The following SHBG variants were observed in gnomAD, a reference collection of about 807,000 sequenced individuals.
SHBG encodes sex hormone-binding globulin.
In SHBG, 37 loss-of-function variants were observed where a neutral mutation model predicts 41.9. The ratio of observed to expected loss-of-function variants is 0.88; its 90% CI spans 0.68 to 1.16. The LOEUF is 1.16. Among genes scored for constraint, SHBG ranks in the 50% most tolerant of loss-of-function variants. The probability of loss-of-function intolerance (pLI) is 0.00; values close to 1 mark genes in which losing one functional copy is unlikely to be tolerated. For synonymous variants in SHBG, 217 were observed against 205.8 expected (o/e 1.05, Z -0.47); for missense variants, 466 against 499.9 (o/e 0.93, Z 0.65).
At chr17:7,623,842 G>A (rs2072142470), upstream of SHBG, among the ~76,000 whole-genome samples, 1 of 151,472 alleles carries the variant, frequency 6.6e-6, no homozygotes, top group Admixed American at 6.6e-5. Flanking sequence ...ACTCACTTCA[G>A]CCTCGACCTC....
intron 1 of SHBG, among the ~76,000 whole-genome samples, chr17:7,622,248 T>C (rs549629298): frequency 6.6e-6 from 1 of 151,548 alleles, no homozygotes; most frequent in South Asian, 2.1e-4. Context: ...CCCACTCCAA[T>C]CAGCCCCAAC....
chr17:7,631,619 C>T lies in SHBG; in HGVS notation c.586C>T (p.Arg196Trp), dbSNP rs775105065. ...LVPALDGCLR[R>W]DSWLDKQAEI... ...TCCTGCCCTGGATGGCTGCCTGCGCCGGGATTCCTGGCTGGACAAACAGGC... is the reference window on the plus strand; with the variant it reads ...TCCTGCCCTGGATGGCTGCCTGCGCTGGGATTCCTGGCTGGACAAACAGGC... Residue 196 changes from arginine to tryptophan, a missense_variant, in exon 5 of 8, where the codon CGG becomes TGG. Physicochemically the swap from Arg to Trp is moderately radical, Grantham distance 101. Coordinates refer to ENST00000380450, the MANE Select transcript of SHBG (RefSeq NM_001040.5). 21 of 1,614,040 alleles carry T rather than the reference C, an allele frequency of 1.3e-5. No homozygotes were observed. In the East Asian group the frequency reaches 2.7e-4, roughly 21 times the overall value.
chr17:7,630,887 C>T lies in SHBG; in HGVS notation c.393+18C>T. ...GGCACCAGGTAAGCTAGCTCTGGTC[C>T]TCAGGGGAGGGATGTCTGGAGCTGG... is the stretch of plus-strand genomic sequence containing the variant. On this transcript the variant is annotated intron_variant, in intron 3 of 7. Coordinates refer to ENST00000380450, the MANE Select transcript of SHBG (RefSeq NM_001040.5). The surrounding 1 kb of genome is among the most constrained non-coding windows in gnomAD (Gnocchi z 4.6). 6.2e-7 allele frequency: 1 copy of T among 1,608,602 alleles called. No homozygotes were observed. The highest frequency in any genetic ancestry group is 8.5e-7 in the Non-Finnish European group (1 of 1,177,316).
upstream of SHBG, among the ~76,000 whole-genome samples, chr17:7,624,270 C>CA (rs555265338): frequency 1.2e-3 from 176 of 151,602 alleles, no homozygotes; most frequent in African/African-American, 4.0e-3. Context: ...TTTTTTGAGA[C>CA]AGAGTCTCCA....
chr17:7,615,647 ACC>A (rs538431556), intron 1 of SHBG, among the ~76,000 whole-genome samples: 60,047 of 99,838 alleles, frequency 0.6, 15,588 homozygotes, highest in Middle Eastern at 0.82. Flanking sequence ...GGTGAAACCC[ACC>A]CCCCCCCCCA....
intron 1 of SHBG, chr17:7,614,574 C>G (rs940604026): frequency 1.2e-5 from 16 of 1,348,152 alleles, no homozygotes; most frequent in Non-Finnish European, 1.6e-5. Flanking sequence ...GCGGCTGCAG[C>G]AGCAGTCTGA....
Position 7,631,245 on chromosome 17 carries a change from G to A in SHBG, c.439G>A (p.Gly147Arg). ...GGACTCTGTGCTGCTGGAGGTGGAT[G>A]GGGAGGAGGTGCTGCGCCTGAGACA... The part of the protein sequence containing the change: ...EGDSVLLEVD[G>R]EEVLRLRQVS... Residue 147 changes from glycine (G) to arginine (R), a missense_variant, in exon 4 of 8, where the codon GGG (glycine) becomes AGG (arginine). Transcript: ENST00000380450. 1.2e-6 allele frequency: 2 copies of A among 1,604,522 alleles called. No homozygotes were observed. Among genetic ancestry groups the A allele is most frequent in the Non-Finnish European group, 1.7e-6 (2 of 1,175,690 alleles).
upstream of SHBG, among the ~76,000 whole-genome samples, chr17:7,628,738 G>A (rs1014614427): frequency 5.9e-5 from 9 of 152,022 alleles, no homozygotes; most frequent in African/African-American, 1.9e-4. Flanking sequence ...GACCCACCAA[G>A]CCCGGTCTGT....
chr17:7,632,793 G>C lies in SHBG; in HGVS notation c.894G>C (p.Leu298=). The part of the protein sequence containing the change: ...LSSGSGPGLD[L]PLVLGLPLQL... The stretch of plus-strand genomic sequence containing the variant: ...CTGGGTCGGGGCCAGGGCTGGATCT[G>C]CCCCTGGTCTTGGGACTCCCTCTTC... The change falls in exon 7 of 8, where the codon CTG becomes CTC. Residue 298 remains leucine, a synonymous_variant. Coordinates refer to ENST00000380450, the MANE Select transcript of SHBG (RefSeq NM_001040.5). The C allele has an allele frequency of 6.2e-7, 1 of 1,614,086 alleles. No individual in the cohort carries two copies. Among genetic ancestry groups the C allele is most frequent in the South Asian group, 1.1e-5 (1 of 91,082 alleles).
rs768521192 is a variant in SHBG at position 7,630,361 on chromosome 17, C to T, written c.112-55C>T. 1.4e-5 allele frequency: 22 copies of T among 1,592,770 alleles called. No homozygotes were observed. The highest frequency in any genetic ancestry group is 2.7e-5 in the African/African-American group (2 of 74,466). On this transcript the variant is annotated intron_variant, in intron 1 of 7. Transcript: ENST00000380450. This position sits in a 1 kb window ranked among gnomAD's most constrained non-coding sequence, Gnocchi z 4.6. ...TGGCCCTGTAGCAGGGCCTCTCCCT[C>T]TGTCTGTCTCTGACATGTCCCTACT...
At chr17:7,619,111 C>T (rs1012236654) in intron 1 of SHBG, among the ~76,000 whole-genome samples, 2 of 152,118 alleles carry the variant, frequency 1.3e-5, no homozygotes, top group Non-Finnish European at 2.9e-5. Flanking sequence ...AATAATGAGG[C>T]CAGGCATGGT....
chr17:7,633,345 C>T lies in SHBG; in HGVS notation c.1202C>T (p.Ser401Phe), dbSNP rs1178182219. The change falls in exon 8 of 8, where the codon TCC (serine) becomes TTC (phenylalanine). Residue 401 changes from serine (S) to phenylalanine (F), a missense_variant. Physicochemically the swap from Ser to Phe is radical, Grantham distance 155 (BLOSUM62 -2). Transcript: ENST00000380450. ...AGCCCAGGCAATGGCACTGACGCTT[C>T]CCATTAAAGCTCCACCTAAGAACCC... ...PQSPGNGTDA[S>F]H The T allele has an allele frequency of 1.9e-6, 3 of 1,613,918 alleles. No individual in the cohort carries two copies. Among genetic ancestry groups the T allele is most frequent in the Middle Eastern group, 1.7e-4 (1 of 6,058 alleles).
intron 1 of SHBG, among the ~76,000 whole-genome samples, chr17:7,621,801 C>T (rs2072103017): frequency 6.6e-6 from 1 of 151,182 alleles, no homozygotes. Flanking sequence ...GAGAACTTTG[C>T]AAGTAAGGAT....
At chr17:7,619,745 G>A (rs1161563721) in intron 1 of SHBG, among the ~76,000 whole-genome samples, 3 of 151,590 alleles carry the variant, frequency 2.0e-5, no homozygotes, top group Non-Finnish European at 4.4e-5. Flanking sequence ...ACTAAACACA[G>A]GAGGATGGGA....
upstream of SHBG, chr17:7,627,261 A>G: frequency 1.2e-6 from 2 of 1,613,348 alleles, no homozygotes; most frequent in Non-Finnish European, 1.7e-6. The surrounding 1 kb of genome is among the most constrained non-coding windows in gnomAD (Gnocchi z 4.8). Context: ...AGAGATAGAG[A>G]AAGAGGACGT....
At position 7,631,514 on chromosome 17, in the gene SHBG, G is replaced by A. The variant is rs906400247; in HGVS notation, c.556-75G>A. ...AAATGCTCAGAGGGGAGTCAACTGA[G>A]GGCAGGGAGGTCGGGACTGCGGCTC... On this transcript the variant is annotated intron_variant, in intron 4 of 7. Coordinates refer to ENST00000380450, the MANE Select transcript of SHBG (RefSeq NM_001040.5). 5.1e-6 allele frequency: 8 copies of A among 1,580,858 alleles called. No homozygotes were observed. In the Admixed American group the frequency reaches 1.3e-4, roughly 26 times the overall value.
upstream of SHBG, among the ~76,000 whole-genome samples, chr17:7,624,663 T>C (rs1163947299): frequency 6.6e-6 from 1 of 151,844 alleles, no homozygotes; most frequent in Admixed American, 6.6e-5. Flanking sequence ...GTTTTGTTTT[T>C]GTTTTTGAGA....
Position 7,631,975 on chromosome 17 carries a change from C to G in SHBG, c.812C>G (p.Pro271Arg). Residue 271 changes from proline (P) to arginine (R), a missense_variant, in exon 6 of 8, where the codon CCA becomes CGA. By Grantham distance (103) the Pro-to-Arg change is moderately radical. Coordinates refer to ENST00000380450, the MANE Select transcript of SHBG (RefSeq NM_001040.5). ...GSGHLLALGT[P>R]ENPSWLSLHL... ...GGCCACCTCCTTGCTCTTGGGACACCAGAGAACCCATCTTGGCTCAGTCTC... is the reference window on the plus strand; with the variant it reads ...GGCCACCTCCTTGCTCTTGGGACACGAGAGAACCCATCTTGGCTCAGTCTC... 6.2e-7 allele frequency: 1 copy of G among 1,613,966 alleles called. No homozygotes were observed. Among genetic ancestry groups the G allele is most frequent in the South Asian group, 1.1e-5 (1 of 91,070 alleles).
chr17:7,623,406 AT>A (rs1480676099), upstream of SHBG, among the ~76,000 whole-genome samples: 2 of 152,116 alleles, frequency 1.3e-5, no homozygotes, highest in African/African-American at 4.8e-5. Flanking sequence ...AACAAACAAA[AT>A]TTTGGAAGTA....
Sources: allele counts gnomAD v4.1 joint callset (sites outside exome capture counted in the v4.1 genomes callset), GRCh38; gene constraint gnomAD v4.1.1; non-coding constraint Gnocchi (gnomAD v3.1); transcripts MANE v1.5; gene names NCBI Gene and HGNC (gene_info 2026-07-23, HGNC 2026-07-21).